Variants in DIAPH2 observed in about 807,000 individuals in gnomAD.
DIAPH2 encodes protein diaphanous homolog 2.
Under a neutral mutation model 92.7 loss-of-function variants are expected in DIAPH2, and 35 were observed. The observed-to-expected ratio is 0.38, with a 90% CI of 0.29 to 0.50. The LOEUF (loss-of-function observed/expected upper bound fraction) is 0.50, where lower values mean the gene tolerates loss of function less well. Ranked by LOEUF, DIAPH2 falls within the 20% of genes least tolerant of loss-of-function variation. The pLI is 0.94. For synonymous variants in DIAPH2, 301 were observed against 280.4 expected (o/e 1.07, Z -0.73); for missense variants, 701 against 819.5 (o/e 0.86, Z 1.77).
chrX:96,845,265 C>T (rs944378026), intron 4 of DIAPH2, among the ~76,000 whole-genome samples: 2 of 111,737 alleles, frequency 1.8e-5, no homozygotes, highest in African/African-American at 3.3e-5. Context: ...TAGTTCATGA[C>T]GTACGTCTTC....
chrX:96,711,441 C>T (rs905293383), intron 1 of DIAPH2, among the ~76,000 whole-genome samples: 16 of 111,779 alleles, frequency 1.4e-4, no homozygotes, highest in Admixed American at 1.3e-3. Context: ...TGATGTTGAG[C>T]ATTTTTTCAT....
chrX:96,748,682 T>C (rs1277716453), intron 3 of DIAPH2, among the ~76,000 whole-genome samples: 1 of 111,282 alleles, frequency 9.0e-6, no homozygotes, highest in Non-Finnish European at 1.9e-5. Flanking sequence ...GGTGGAGTTA[T>C]AAAAGAAAAG....
intron 4 of DIAPH2, among the ~76,000 whole-genome samples, chrX:96,763,965 CTCT>C (rs1485105553): frequency 2.9e-5 from 3 of 102,496 alleles, no homozygotes; most frequent in Admixed American, 2.2e-4. Context: ...CATTATCTTA[CTCT>C]TCTTTTTTTT....
intron 4 of DIAPH2, among the ~76,000 whole-genome samples, chrX:96,826,913 G>A (rs1454924537): frequency 9.0e-6 from 1 of 111,298 alleles, no homozygotes; most frequent in African/African-American, 3.3e-5. Flanking sequence ...AAGAGGGAAA[G>A]GGCAGGGTCT....
chrX:97,398,027 A>C (rs1250624865), intron 25 of DIAPH2, among the ~76,000 whole-genome samples: 4 of 112,374 alleles, frequency 3.6e-5, no homozygotes, highest in Non-Finnish European at 5.6e-5. Context: ...CTATTTGAAA[A>C]CAATTGAAAA....
At chrX:97,555,183 GA>G (rs1378923628) in intron 26 of DIAPH2, among the ~76,000 whole-genome samples, 1 of 111,218 alleles carries the variant, frequency 9.0e-6, no homozygotes, top group Admixed American at 9.6e-5. Flanking sequence ...TCTGGATTTA[GA>G]CCCTGTCATT....
intron 15 of DIAPH2, among the ~76,000 whole-genome samples, chrX:96,949,614 C>T (rs755985541): frequency 2.9e-5 from 3 of 102,105 alleles, no homozygotes; most frequent in African/African-American, 7.2e-5. Flanking sequence ...GAGGCGGAAG[C>T]GGGCAGATCA....
At chrX:96,773,244 C>CG (rs1556143662) in intron 4 of DIAPH2, among the ~76,000 whole-genome samples, 36 of 86,496 alleles carry the variant, frequency 4.2e-4, no homozygotes, top group African/African-American at 1.4e-3. Flanking sequence ...GTTTCCCCCC[C>CG]CCTCCCGCCC....
intron 19 of DIAPH2, among the ~76,000 whole-genome samples, chrX:97,092,609 A>T (rs1225152362): frequency 1.8e-5 from 2 of 112,361 alleles, no homozygotes; most frequent in Non-Finnish European, 3.8e-5. Flanking sequence ...CTTAAATGAA[A>T]ACAGAGAACT....
intron 26 of DIAPH2, among the ~76,000 whole-genome samples, chrX:97,585,456 T>G (rs141563569): frequency 3.4e-4 from 38 of 110,560 alleles, no homozygotes; most frequent in African/African-American, 1.2e-3. Flanking sequence ...GTAGTGCCTT[T>G]CATCACAAAT....
At chrX:96,854,123 T>C (rs1023521751) in intron 4 of DIAPH2, among the ~76,000 whole-genome samples, 39 of 111,518 alleles carry the variant, frequency 3.5e-4, no homozygotes, top group Admixed American at 1.3e-3. Context: ...TACCCCTATA[T>C]TCTTACTCAT....
intron 24 of DIAPH2, among the ~76,000 whole-genome samples, chrX:97,378,829 A>T (rs2069526400): frequency 8.9e-6 from 1 of 112,106 alleles, no homozygotes; most frequent in Admixed American, 9.5e-5. Context: ...GTTTCTTTAT[A>T]TTGTTGCCAA....
At chrX:97,431,656 C>T (rs2070128186) in intron 26 of DIAPH2, 1 of 112,678 alleles carries the variant, frequency 8.9e-6, no homozygotes. Context: ...AAATATCACT[C>T]GATTTAGCTG....
intron 26 of DIAPH2, 58 bp downstream of exon 26, chrX:97,429,803 G>A: frequency 2.0e-6 from 2 of 978,695 alleles, no homozygotes; most frequent in South Asian, 2.8e-5. Flanking sequence ...GAGCAAAGTA[G>A]CAACACCAAA....
At chrX:97,172,051 CAAAT>C (rs1407590342) in intron 22 of DIAPH2, among the ~76,000 whole-genome samples, 15 of 111,522 alleles carry the variant, frequency 1.3e-4, no homozygotes, top group African/African-American at 4.9e-4. Context: ...ATTCTAAAAT[CAAAT>C]AAACACAATC....
At chrX:96,820,453 G>A (rs1468461511) in intron 4 of DIAPH2, among the ~76,000 whole-genome samples, 1 of 111,706 alleles carries the variant, frequency 9.0e-6, no homozygotes, top group Non-Finnish European at 1.9e-5. Flanking sequence ...CTGGGTGACA[G>A]AGCGAGACTC....
chrX:96,715,914 T>C (rs1240760608), intron 1 of DIAPH2, among the ~76,000 whole-genome samples: 2 of 109,893 alleles, frequency 1.8e-5, no homozygotes, highest in African/African-American at 6.6e-5. Flanking sequence ...TTTTTTTTTT[T>C]TTCTTCTTGT....
intron 22 of DIAPH2, among the ~76,000 whole-genome samples, chrX:97,180,470 T>G (rs1364338707): frequency 8.9e-6 from 1 of 112,209 alleles, no homozygotes; most frequent in Non-Finnish European, 1.9e-5. Context: ...TTTACTCTGA[T>G]GCTAGTTTCT....
intron 14 of DIAPH2, among the ~76,000 whole-genome samples, chrX:96,948,213 A>C (rs147759040): frequency 0.072 from 8,109 of 112,221 alleles, 297 homozygotes; most frequent in African/African-American, 0.12. Flanking sequence ...GATTAAATAT[A>C]GTTAAGGAGT....
Sources: gnomAD v4.1 joint callset for allele counts (sites outside exome capture counted in the v4.1 genomes callset) on GRCh38, gnomAD v4.1.1 for gene constraint, MANE v1.5 for transcripts, NCBI Gene and HGNC (gene_info 2026-07-23, HGNC 2026-07-21) for gene names.